Variants in MUC3A observed in about 807,000 individuals in gnomAD.
The protein encoded by MUC3A is mucin-3A.
Under a neutral mutation model 109.0 loss-of-function variants are expected in MUC3A, and 109 were observed. The ratio of observed to expected loss-of-function variants is 1.00; its 90% CI spans 0.86 to 1.17. The LOEUF is 1.17. MUC3A is among the 50% of genes most tolerant of loss of function. The pLI, the probability that MUC3A is intolerant of heterozygous loss-of-function variation, is 0.00. For missense variants in MUC3A, 3,537 were observed against 2,469.4 expected, an observed-to-expected ratio of 1.43 and a Z score of -9.16; for synonymous variants, 1,398 against 981.4, an observed-to-expected ratio of 1.42 and a Z score of -7.93.
In MUC3A at chr7:100,952,553, C is replaced by T; in HGVS notation, c.774C>T (p.Pro258=). 6.3e-7 allele frequency: 1 copy of T among 1,598,502 alleles called. No individual in the cohort carries two copies. The highest frequency in any genetic ancestry group is 1.1e-5 in the South Asian group (1 of 91,082). ...AAACAGCAGTGACTTCCACTTCCCC[C>T]ATCACTTCTTCAATCACTTCCACAA... ...TLKTAVTSTS[P]ITSSITSTNT... Residue 258 remains proline, a synonymous_variant, in exon 2 of 12, where the codon CCC becomes CCT. Coordinates refer to ENST00000379458, the MANE Select transcript of MUC3A (RefSeq NM_005960.2).
intron 3 of MUC3A, among the ~76,000 whole-genome samples, chr7:100,962,704 CTTTCT>C (rs1290821933): frequency 6.9e-6 from 1 of 144,124 alleles, no homozygotes; most frequent in Non-Finnish European, 1.5e-5. Context: ...CTTTCTTTCT[CTTTCT>C]TTTCTTTCCT....
intron 7 of MUC3A, 56 bp from the exon 8 acceptor site, chr7:100,965,648 C>G: frequency 6.4e-7 from 1 of 1,560,078 alleles, no homozygotes; most frequent in African/African-American, 1.3e-5. Context: ...TTATCAGGCC[C>G]CTGAATAGAA....
intron 8 of MUC3A, 119 bp from the exon 9 acceptor site, chr7:100,966,243 ATTCCCAGCCCCTTGTCTAGGGTGG>A (rs1400268745): frequency 1.3e-6 from 1 of 774,250 alleles, no homozygotes; most frequent in Admixed American, 4.7e-5. Flanking sequence ...TCTAGGGTGG[ATTCCCAGCCCCTTGTCTAGGGTGG>A]AACCCCCCGC....
chr7:100,964,528 G>C, intron 5 of MUC3A, 167 bp from the exon 6 acceptor site: 4 of 1,166,364 alleles, frequency 3.4e-6, no homozygotes, highest in Non-Finnish European at 3.5e-6. Flanking sequence ...GGCAGACCAA[G>C]TCAGGAATGC....
At position 100,955,334 on chromosome 7, in the gene MUC3A, C is replaced by G. The variant is rs1223754754; in HGVS notation, c.3555C>G (p.Thr1185=). The change falls in exon 2 of 12, where the codon ACC becomes ACG. Residue 1185 remains threonine, a synonymous_variant. Coordinates refer to ENST00000379458, the MANE Select transcript of MUC3A (RefSeq NM_005960.2). The part of the protein sequence containing the change: ...PTSGTMVTST[T]MTPSSLSTDT... ...CAGGTACCATGGTAACTTCCACAAC[C>G]ATGACCCCATCTTCTCTGAGTACAG... The G allele has an allele frequency of 1.4e-6, 1 of 733,646 alleles. No homozygotes were observed. The highest frequency in any genetic ancestry group is 2.5e-6 in the Non-Finnish European group (1 of 403,170). 45.4% of individuals were successfully genotyped at this position (733,646 alleles called of 1,614,324 possible).
chr7:100,959,463 C>T lies in MUC3A; in HGVS notation c.7684C>T (p.Pro2562Ser), dbSNP rs765018765. 1.8e-5 allele frequency: 28 copies of T among 1,570,956 alleles called. No individual in the cohort carries two copies. Among genetic ancestry groups the T allele is most frequent in the Non-Finnish European group, 2.4e-5 (28 of 1,168,184 alleles). ...GACCCTCAGAATTACTGAGAACACC[C>T]CAATCAGTTCCTTTAGCACAAGTAT... ...RMTLRITENT[P>S]ISSFSTSIVV... is the part of the protein sequence containing the mutation. The change falls in exon 2 of 12, where the codon CCA (proline) becomes TCA (serine). Residue 2562 changes from proline (P) to serine (S), a missense_variant. By Grantham distance (74) the Pro-to-Ser change is moderately conservative. Coordinates refer to ENST00000379458, the MANE Select transcript of MUC3A (RefSeq NM_005960.2).
At chr7:100,950,824 CACTGCTAAGCCTTAAGGTCTCCAGA>C (rs1226833911) in intron 1 of MUC3A, among the ~76,000 whole-genome samples, 1 of 152,310 alleles carries the variant, frequency 6.6e-6, no homozygotes, top group Non-Finnish European at 1.5e-5. Context: ...GATGAACACT[CACTGCTAAGCCTTAAGGTCTCCAGA>C]ACTCATCACG....
At chr7:100,965,054 G>A (rs1414378690) in intron 6 of MUC3A, 9 of 1,099,856 alleles carry the variant, frequency 8.2e-6, no homozygotes, top group African/African-American at 6.3e-5. Context: ...CCCCCTGATT[G>A]TCATGGTCAG....
intron 7 of MUC3A, 43 bp from the exon 8 acceptor site, chr7:100,965,661 G>A (rs1792507138): frequency 1.3e-6 from 2 of 1,575,262 alleles, no homozygotes; most frequent in Non-Finnish European, 8.6e-7. Flanking sequence ...GAATAGAATG[G>A]ATGAGGTCCT....
In MUC3A at chr7:100,960,264, A is replaced by C; in HGVS notation, c.8485A>C (p.Met2829Leu). The change falls in exon 2 of 12, where the codon ATG becomes CTG. Residue 2829 changes from methionine to leucine, a missense_variant. Met to Leu is a conservative substitution (Grantham distance 15, BLOSUM62 2). Transcript: ENST00000379458. ...TATCCAAACTACTCTTACTACATAT[A>C]TGGACACTTCTTCCATGATGCCAGA... Reference protein sequence around the residue: ...ISIQTTLTTYMDTSSMMPESE... With the variant: ...ISIQTTLTTYLDTSSMMPESE... 2 of 1,598,554 alleles carry C rather than the reference A, an allele frequency of 1.3e-6. No individual in the cohort carries two copies. Among genetic ancestry groups the C allele is most frequent in the Non-Finnish European group, 1.7e-6 (2 of 1,179,828 alleles).
rs1296290665 is a variant in MUC3A at position 100,957,396 on chromosome 7, C to T, written c.5617C>T (p.Arg1873Ter). ...TACATTGTCCACTGTGACCTCTCTT[C>T]GACCCACCTCTTCCTCTCTCCTCAC... ...TGTLSTVTSL[R>*]PTSSSLLTTV... is the part of the protein sequence containing the mutation. Residue 1873 changes from arginine to a stop codon, truncating the protein, a stop_gained, in exon 2 of 12, where the codon CGA (arginine) becomes TGA (stop). Transcript: ENST00000379458. LOFTEE classifies it high-confidence loss of function. 19 of 658,964 alleles carry T rather than the reference C, an allele frequency of 2.9e-5. No homozygotes were observed. The highest frequency in any genetic ancestry group is 1.3e-4 in the South Asian group (4 of 30,264). The allele number at this position is 658,964 out of a possible 1,614,324, so 40.8% of individuals were successfully genotyped here.
Position 100,952,040 on chromosome 7 carries a change from C to A in MUC3A, c.261C>A (p.Ile87=). ...CTACCTCCCCCCATGACACACTCAT[C>A]TCTGAAACATTGCTCAACTCTCCAG... is the stretch of plus-strand genomic sequence containing the variant. ...TLTTSPHDTL[I]SETLLNSPVS... is the part of the protein sequence containing the mutation. Residue 87 remains isoleucine, a synonymous_variant, in exon 2 of 12, where the codon ATC becomes ATA. Coordinates refer to ENST00000379458, the MANE Select transcript of MUC3A (RefSeq NM_005960.2). The A allele has an allele frequency of 6.3e-7, 1 of 1,598,684 alleles. No homozygotes were observed. Among genetic ancestry groups the A allele is most frequent in the South Asian group, 1.1e-5 (1 of 91,092 alleles).
At chr7:100,964,558 G>A (rs774363038) in intron 5 of MUC3A, 137 bp from the exon 6 acceptor site, 17 of 1,379,796 alleles carry the variant, frequency 1.2e-5, no homozygotes, top group African/African-American at 1.4e-5. Context: ...CTTCTGAAAA[G>A]GATGCACGTG....
At chr7:100,963,287 ATT>A (rs34281234) in intron 4 of MUC3A, 21 bp downstream of exon 4, 88,320 of 1,327,530 alleles carry the variant, frequency 0.067, 60 homozygotes, top group African/African-American at 0.11. Context: ...AAGAGAGGGG[ATT>A]TTTTTTTTTT....
chr7:100,959,296 C>T lies in MUC3A; in HGVS notation c.7517C>T (p.Thr2506Ile), dbSNP rs776946308. The T allele has an allele frequency of 1.9e-5, 30 of 1,585,366 alleles. No individual in the cohort carries two copies. Among genetic ancestry groups the T allele is most frequent in the African/African-American group, 2.7e-5 (2 of 74,800 alleles). ...GGCACCAGCACTTCATTGACTACAACCACAGACTTTCCCTCTATACCCACT... is the reference window on the plus strand; with the variant it reads ...GGCACCAGCACTTCATTGACTACAATCACAGACTTTCCCTCTATACCCACT... ...SVGTSTSLTT[T>I]TDFPSIPTDI... Residue 2506 changes from threonine (T) to isoleucine (I), a missense_variant, in exon 2 of 12, where the codon ACC (threonine) becomes ATC (isoleucine). Coordinates refer to ENST00000379458, the MANE Select transcript of MUC3A (RefSeq NM_005960.2).
At chr7:100,960,976 C>G (rs111809465) in intron 3 of MUC3A, 39 bp downstream of exon 3, 60,201 of 1,588,202 alleles carry the variant, frequency 0.038, no homozygotes, top group African/African-American at 0.26. Flanking sequence ...CTTCCTCCCA[C>G]AGGGTGTCAC....
chr7:100,960,000 A>C lies in MUC3A; in HGVS notation c.8221A>C (p.Thr2741Pro), dbSNP rs746556406. The change falls in exon 2 of 12, where the codon ACT becomes CCT. Residue 2741 changes from threonine (T) to proline (P), a missense_variant. By Grantham distance (38) the Thr-to-Pro change is conservative. Transcript: ENST00000379458. ...PSLSSSATTS[T>P]SSTSSSLTTA... The stretch of plus-strand genomic sequence containing the variant: ...TCTCTCTTCCTCTGCAACTACCAGC[A>C]CTTCTTCAACCAGCTCCTCTCTGAC... 5 of 1,506,808 alleles carry C rather than the reference A, an allele frequency of 3.3e-6. No homozygotes were observed. The highest frequency in any genetic ancestry group is 2.8e-5 in the African/African-American group (2 of 71,910). 93.3% of individuals were successfully genotyped at this position (1,506,808 alleles called of 1,614,324 possible). A position where few individuals can be genotyped will look rare whatever the true frequency, so the allele number is the denominator to read the frequency against.
chr7:100,963,395 C>A, intron 4 of MUC3A, 129 bp downstream of exon 4: 1 of 848,034 alleles, frequency 1.2e-6, no homozygotes, highest in Non-Finnish European at 1.8e-6. Context: ...ACATGATTCT[C>A]TTGCCTCAGC....
In MUC3A at chr7:100,952,251, A is replaced by G. The variant is rs753071309; in HGVS notation, c.472A>G (p.Thr158Ala). The G allele has an allele frequency of 3.7e-4, 584 of 1,595,830 alleles. No homozygotes were observed. The Middle Eastern group carries it at 5.3e-3, about 15-fold the overall frequency. The stretch of plus-strand genomic sequence containing the variant: ...GCAGGTGGCCTTCACCAGCTCTTAC[A>G]CCTCGACTCCCGTGACACAGAAGCC... ...TTQVAFTSSY[T>A]STPVTQKPVT... The change falls in exon 2 of 12, where the codon ACC becomes GCC. Residue 158 changes from threonine to alanine, a missense_variant. Transcript: ENST00000379458.
Sources: gnomAD v4.1 joint callset for allele counts (sites outside exome capture counted in the v4.1 genomes callset) on GRCh38, gnomAD v4.1.1 for gene constraint, MANE v1.5 for transcripts, NCBI Gene and HGNC (gene_info 2026-07-23, HGNC 2026-07-21) for gene names.